MCM7: variants seen among roughly 807,000 people sequenced by gnomAD.
MCM7 encodes DNA replication licensing factor MCM7.
In MCM7, 95 loss-of-function variants were observed where a neutral mutation model predicts 83.5. The ratio of observed to expected loss-of-function variants is 1.14; its 90% CI spans 0.96 to 1.35. The LOEUF (loss-of-function observed/expected upper bound fraction) is 1.35, where lower values mean the gene tolerates loss of function less well. Among genes scored for constraint, MCM7 ranks in the 40% most tolerant of loss-of-function variants. MCM7 has a pLI of 0.00. For synonymous variants in MCM7, 461 were observed against 352.7 expected, an observed-to-expected ratio of 1.31 and a Z score of -3.44; for missense variants, 1,087 against 957.4, an observed-to-expected ratio of 1.14 and a Z score of -1.79.
chr7:100,098,004 G>A, intron 7 of MCM7, 56 bp from the exon 8 acceptor site: 2 of 1,586,454 alleles, frequency 1.3e-6, no homozygotes, highest in Non-Finnish European at 1.7e-6. Flanking sequence ...GCCCATCACT[G>A]GATTCCCTAA....
At chr7:100,093,435 G>A in intron 13 of MCM7, 34 bp from the exon 14 acceptor site, 2 of 1,593,180 alleles carry the variant, frequency 1.3e-6, no homozygotes, top group Non-Finnish European at 1.7e-6. Context: ...GATGGGAACG[G>A]GAGGAGGGCA....
At chr7:100,098,360 C>T (rs1408707597) in intron 6 of MCM7, 70 bp from the exon 7 acceptor site, 1 of 1,569,818 alleles carries the variant, frequency 6.4e-7, no homozygotes, top group African/African-American at 1.4e-5. Context: ...CCTAGGCATC[C>T]CACTCAAAGG....
chr7:100,097,818 C>G lies in MCM7; in HGVS notation c.985+16G>C, dbSNP rs1022875169. 1 of 1,614,112 alleles carries G rather than the reference C, an allele frequency of 6.2e-7. No homozygotes were observed. Among genetic ancestry groups the G allele is most frequent in the Non-Finnish European group, 8.5e-7 (1 of 1,179,970 alleles). ...AGGATGTAAACGGAATTTCCTCTCT[C>G]TCCCCTGCCCCTCACCTGCAATTTG... On this transcript the variant is annotated intron_variant, in intron 8 of 14. Coordinates refer to ENST00000303887, the MANE Select transcript of MCM7 (RefSeq NM_005916.5).
rs1285175162 is a variant in MCM7, at chr7:100,099,765, A to T, written c.112-12T>A. 1 of 1,613,366 alleles carries T rather than the reference A, an allele frequency of 6.2e-7. No homozygotes were observed. Among genetic ancestry groups the T allele is most frequent in the South Asian group, 1.1e-5 (1 of 91,062 alleles). On this transcript the variant is annotated splice_polypyrimidine_tract_variant and intron_variant, in intron 2 of 14. Coordinates refer to ENST00000303887, the MANE Select transcript of MCM7 (RefSeq NM_005916.5). Reference sequence around the variant, plus strand: ...TGAGCCAGCCGAACCTCAAGTGGGGAAGAGACAGAAACACCTCAGAGCCAC... The same window carrying T: ...TGAGCCAGCCGAACCTCAAGTGGGGTAGAGACAGAAACACCTCAGAGCCAC...
chr7:100,095,769 T>C lies in MCM7; in HGVS notation c.1595+5A>G. The C allele has an allele frequency of 1.3e-6, 2 of 1,563,700 alleles. No individual in the cohort carries two copies. The highest frequency in any genetic ancestry group is 4.5e-5 in the East Asian group (2 of 44,312). On this transcript the variant is annotated splice_donor_5th_base_variant and intron_variant, in intron 11 of 14. Coordinates refer to ENST00000303887, the MANE Select transcript of MCM7 (RefSeq NM_005916.5). ...ACCTCTCTTTGGGTGTTGAGCTTCA[T>C]TCACCGTAGGTCATTGTCTCGGTCG...
rs112216147 is a variant in MCM7 at position 100,100,046 on chromosome 7, C to T, written c.79G>A (p.Gly27Arg). ...LQEFYQDDEL[G>R]KKQFKYGNQL... ...TTCCCATACTTGAACTGCTTCTTCC[C>T]GAGTTCATCATCCTGGTAGAACTCT... Residue 27 changes from glycine (G) to arginine (R), a missense_variant, in exon 2 of 15, where the codon GGG becomes AGG. Coordinates refer to ENST00000303887, the MANE Select transcript of MCM7 (RefSeq NM_005916.5). 54 of 1,614,092 alleles carry T rather than the reference C, an allele frequency of 3.3e-5. No individual in the cohort carries two copies. The highest frequency in any genetic ancestry group is 2.9e-4 in the African/African-American group (22 of 75,044).
At position 100,098,144 on chromosome 7, in the gene MCM7, T is replaced by C. The variant is rs1383048444; in HGVS notation, c.867A>G (p.Val289=). 6.2e-7 allele frequency: 1 copy of C among 1,613,974 alleles called. No homozygotes were observed. Among genetic ancestry groups the C allele is most frequent in the East Asian group, 2.2e-5 (1 of 44,896 alleles). ...CTCATGTCAAACTCTTCCTTACCTG[T>C]ACCACCTGTCGGAACCCAGTGCGCA... The part of the protein sequence containing the change: ...PILRTGFRQV[V]QGLLSETYLE... The change falls in exon 7 of 15, where the codon GTA becomes GTG. Residue 289 remains valine (V), a synonymous_variant. Transcript: ENST00000303887.
intron 14 of MCM7, 66 bp downstream of exon 14, chr7:100,093,226 C>T: frequency 6.3e-7 from 1 of 1,594,236 alleles, no homozygotes. Context: ...AGAATTGAGG[C>T]CAACCTCAGA....
At chr7:100,097,096 A>C (rs1386262745) in intron 10 of MCM7, among the ~76,000 whole-genome samples, 2 of 152,174 alleles carry the variant, frequency 1.3e-5, no homozygotes, top group Non-Finnish European at 2.9e-5. Context: ...GCAAGCCTCT[A>C]TCTCAAAAAA....
chr7:100,100,221 C>T, intron 1 of MCM7, 128 bp from the exon 2 acceptor site: 6 of 1,446,386 alleles, frequency 4.1e-6, no homozygotes, highest in African/African-American at 1.4e-5. Context: ...ACCGAAGTCT[C>T]CCCAAAGTGG....
intron 7 of MCM7, 84 bp downstream of exon 7, chr7:100,098,057 T>A (rs1446939354): frequency 6.3e-7 from 1 of 1,585,452 alleles, no homozygotes; most frequent in Non-Finnish European, 8.6e-7. Context: ...GTTTGGGGTT[T>A]TGCTGCTCTT....
chr7:100,093,231 C>G (rs987332463), intron 14 of MCM7, 61 bp downstream of exon 14: 4 of 1,592,132 alleles, frequency 2.5e-6, no homozygotes, highest in Non-Finnish European at 3.4e-6. Context: ...TGAGGCCAAC[C>G]TCAGACACAT....
intron 10 of MCM7, among the ~76,000 whole-genome samples, chr7:100,096,440 T>C (rs1043927072): frequency 6.6e-6 from 1 of 152,146 alleles, no homozygotes; most frequent in African/African-American, 2.4e-5. Context: ...TAACTGAGAC[T>C]ATAGGCACTC....
chr7:100,099,093 G>C lies in MCM7; in HGVS notation c.512C>G (p.Ser171Cys). The change falls in exon 5 of 15, where the codon TCT becomes TGT. Residue 171 changes from serine (S) to cysteine (C), a missense_variant. Ser to Cys is a moderately radical substitution (Grantham distance 112, BLOSUM62 -1). Transcript: ENST00000303887. ...VTVRGIVTRVSEVKPKMVVAT... is the reference protein window; with the variant it reads ...VTVRGIVTRVCEVKPKMVVAT... ...CACCACCATCTTGGGTTTGACTTCAGAGACACGAGTGACGATTCCACGCAC... is the reference window on the plus strand; with the variant it reads ...CACCACCATCTTGGGTTTGACTTCACAGACACGAGTGACGATTCCACGCAC... 1.9e-6 allele frequency: 3 copies of C among 1,614,138 alleles called. No individual in the cohort carries two copies. The highest frequency in any genetic ancestry group is 2.2e-5 in the South Asian group (2 of 91,084).
Position 100,098,651 on chromosome 7 carries a change from G to C in MCM7, c.647C>G (p.Ser216Ter). Residue 216 changes from serine to a stop codon, truncating the protein, a stop_gained, in exon 6 of 15, where the codon TCA (serine) becomes TGA (stop). Coordinates refer to ENST00000303887, the MANE Select transcript of MCM7 (RefSeq NM_005916.5). LOFTEE classifies it high-confidence loss of function. Reference protein sequence around the residue: ...CPSQECQTNRSGGRLYLQTRG... With the variant: ...CPSQECQTNR ...TGTCTGCAGATACAGCCGCCCTCCTGAGCGGTTGGTTTGGCACTCCTGGCT... is the reference window on the plus strand; with the variant it reads ...TGTCTGCAGATACAGCCGCCCTCCTCAGCGGTTGGTTTGGCACTCCTGGCT... The C allele has an allele frequency of 6.2e-7, 1 of 1,614,148 alleles. No homozygotes were observed. The highest frequency in any genetic ancestry group is 8.5e-7 in the Non-Finnish European group (1 of 1,180,030).
intron 12 of MCM7, among the ~76,000 whole-genome samples, 188 bp downstream of exon 12, chr7:100,095,199 A>C (rs1414954651): frequency 1.3e-5 from 2 of 152,238 alleles, no homozygotes; most frequent in African/African-American, 4.8e-5. Flanking sequence ...TGTAGGAAAC[A>C]AAATTTCCTG....
Position 100,099,593 on chromosome 7 carries a change from C to T in MCM7, c.272G>A (p.Arg91Lys), listed in dbSNP as rs767202350. ...VQELLPQYKE[R>K]EVVNKDVLDV... ...CATTGTTCTCTAACCACTCACTTCC[C>T]TCTCCTTGTACTGAGGCAGCAGCTC... The change falls in exon 3 of 15, where the codon AGG becomes AAG. Residue 91 changes from arginine to lysine, a missense_variant. Physicochemically the swap from Arg to Lys is conservative, Grantham distance 26. Coordinates refer to ENST00000303887, the MANE Select transcript of MCM7 (RefSeq NM_005916.5). 1.9e-6 allele frequency: 3 copies of T among 1,613,812 alleles called. No individual in the cohort carries two copies. The highest frequency in any genetic ancestry group is 1.3e-5 in the African/African-American group (1 of 75,034).
rs780405898 is a variant in MCM7 at position 100,094,003 on chromosome 7, C to T, written c.1848+170G>A. Reference sequence around the variant, plus strand: ...GGACGCTGTGCGTGCCCTGCTGGAGCAGCAAGTACCCACAGTGCGGTAGCA... The same window carrying T: ...GGACGCTGTGCGTGCCCTGCTGGAGTAGCAAGTACCCACAGTGCGGTAGCA... On this transcript the variant is annotated intron_variant, in intron 13 of 14. Coordinates refer to ENST00000303887, the MANE Select transcript of MCM7 (RefSeq NM_005916.5). 3 of 875,498 alleles carry T rather than the reference C, an allele frequency of 3.4e-6. No individual in the cohort carries two copies. In the South Asian group the frequency reaches 4.0e-5, roughly 12 times the overall value. 54.2% of individuals were successfully genotyped at this position (875,498 alleles called of 1,614,324 possible).
chr7:100,096,156 T>C lies in MCM7; in HGVS notation c.1213A>G (p.Thr405Ala). ...DRLAPRSQYTTGRGSSGVGLT... is the reference protein window; with the variant it reads ...DRLAPRSQYTAGRGSSGVGLT... ...CCCACTCCTGAGGAGCCCCGGCCTG[T>C]TGTGTACTGGCCTGGAAGAGAAGAA... The change falls in exon 11 of 15, where the codon ACA (threonine) becomes GCA (alanine). Residue 405 changes from threonine to alanine, a missense_variant. Transcript: ENST00000303887. 1.3e-6 allele frequency: 2 copies of C among 1,599,498 alleles called. No homozygotes were observed. The highest frequency in any genetic ancestry group is 1.7e-6 in the Non-Finnish European group (2 of 1,171,686).
Sources: allele counts gnomAD v4.1 joint callset (sites outside exome capture counted in the v4.1 genomes callset), GRCh38; gene constraint gnomAD v4.1.1; transcripts MANE v1.5; gene names NCBI Gene and HGNC (gene_info 2026-07-23, HGNC 2026-07-21).